ATAD5: variants seen among roughly 807,000 people sequenced by gnomAD.
ATAD5 encodes the protein ATPase family AAA domain containing 5.
ATAD5 carries 58 observed loss-of-function variants against 176.9 expected under a neutral mutation model. That is an observed-to-expected ratio of 0.33 (90% CI 0.27 to 0.41). The LOEUF is 0.41. ATAD5 is among the 10% of genes least tolerant of loss of function. ATAD5 has a pLI of 1.00. For synonymous variants in ATAD5, 640 were observed against 712.6 expected (o/e 0.90, Z 1.62); for missense variants, 1,789 against 2,094.1 (o/e 0.85, Z 2.84).
chr17:30,882,620 A>G (rs1187168305), intron 18 of ATAD5, among the ~76,000 whole-genome samples: 3 of 152,074 alleles, frequency 2.0e-5, no homozygotes, highest in Admixed American at 2.0e-4. Context: ...TTGTCTAGAC[A>G]ATTCTTCATT....
In ATAD5 at chr17:30,878,056, C is replaced by A; in HGVS notation, c.3972C>A (p.Phe1324Leu). Residue 1324 changes from phenylalanine (F) to leucine (L), a missense_variant, in exon 17 of 23, where the codon TTC (phenylalanine) becomes TTA (leucine). By Grantham distance (22) the Phe-to-Leu change is conservative. Transcript: ENST00000321990. ...DAGFLNAIKTFMATTKRPVIL... is the reference protein window; with the variant it reads ...DAGFLNAIKTLMATTKRPVIL... ...GGTTTTTGAATGCAATCAAAACATT[C>A]ATGGCAACAACTAAACGACCTGTAA... The A allele has an allele frequency of 6.2e-7, 1 of 1,611,630 alleles. No individual in the cohort carries two copies. Among genetic ancestry groups the A allele is most frequent in the Non-Finnish European group, 8.5e-7 (1 of 1,178,694 alleles).
rs1907563646 is a variant in ATAD5 at position 30,860,501 on chromosome 17, AAAAG to A, written c.3033_3036del (p.Lys1011AsnfsTer28). 6.2e-7 allele frequency: 1 copy of A among 1,601,358 alleles called. No individual in the cohort carries two copies. The highest frequency in any genetic ancestry group is 1.4e-5 in the African/African-American group (1 of 73,678). On this transcript the variant is annotated frameshift_variant, in exon 10 of 23. Coordinates refer to ENST00000321990, the MANE Select transcript of ATAD5 (RefSeq NM_024857.5). LOFTEE classifies it high-confidence loss of function. ...CGTAGAAGCAGAAAATTCTAAGTCA[AAAAG>A]AAAGAAACCAAATGAGTATTCAAAA...
In ATAD5 at chr17:30,857,100, C is replaced by T; in HGVS notation, c.2781C>T (p.Asn927=). The change falls in exon 8 of 23, where the codon AAC becomes AAT. Residue 927 remains asparagine, a synonymous_variant. Coordinates refer to ENST00000321990, the MANE Select transcript of ATAD5 (RefSeq NM_024857.5). ...STLNSKLKSG[N]SAAVFMRTRK... ...TGAATTCAAAGTTGAAAAGCGGTAA[C>T]TCTGCTGCTGTGGTAAGTATTAAAT... 1 of 1,610,882 alleles carries T rather than the reference C, an allele frequency of 6.2e-7. No homozygotes were observed.
At chr17:30,878,718 G>GTTTTTT (rs71142005) in intron 17 of ATAD5, among the ~76,000 whole-genome samples, 3,031 of 56,760 alleles carry the variant, frequency 0.053, 820 homozygotes, top group Middle Eastern at 0.069. Context: ...GTTAGGTGGT[G>GTTTTTT]TTTTTTTTTT....
intron 9 of ATAD5, 55 bp from the exon 10 acceptor site, chr17:30,860,378 A>G: frequency 1.3e-6 from 2 of 1,530,968 alleles, no homozygotes; most frequent in East Asian, 2.3e-5. Context: ...TGATATTAAT[A>G]TTACTGGTTT....
Position 30,894,931 on chromosome 17 carries a change from GC to G in ATAD5, c.*19del. ...TCCCTTAATGTTCCATACTAACAAT[GC>G]TTTGTATAGATTATCATGTGGTCCT... On this transcript the variant is annotated 3_prime_UTR_variant, in exon 23 of 23. Transcript: ENST00000321990. 6.6e-7 allele frequency: 1 copy of G among 1,517,794 alleles called. No homozygotes were observed. The highest frequency in any genetic ancestry group is 8.9e-7 in the Non-Finnish European group (1 of 1,117,556). 94.0% of individuals were successfully genotyped at this position (1,517,794 alleles called of 1,614,324 possible).
Position 30,869,362 on chromosome 17 carries a change from A to G in ATAD5, c.3428A>G (p.Tyr1143Cys). 6.2e-7 allele frequency: 1 copy of G among 1,613,974 alleles called. No individual in the cohort carries two copies. Among genetic ancestry groups the G allele is most frequent in the East Asian group, 2.2e-5 (1 of 44,886 alleles). ...GGAGTGGGAAAAACTGCTGCAGTGT[A>G]TGCTTGTGCCCAGGAGCTTGGATTT... ...PTGVGKTAAVYACAQELGFKI... is the reference protein window; with the variant it reads ...PTGVGKTAAVCACAQELGFKI... The change falls in exon 13 of 23, where the codon TAT becomes TGT. Residue 1143 changes from tyrosine (Y) to cysteine (C), a missense_variant. Coordinates refer to ENST00000321990, the MANE Select transcript of ATAD5 (RefSeq NM_024857.5).
chr17:30,858,301 T>C lies in ATAD5; in HGVS notation c.2934T>C (p.Ser978=). ...AACAAATTGAGCACCAAGTACTTTC[T>C]TCCGAGTGTCATAGTAAACAAGGTT... is the stretch of plus-strand genomic sequence containing the variant. ...LKKQIEHQVL[S]SECHSKQELE... Residue 978 remains serine, a synonymous_variant, in exon 9 of 23, where the codon TCT becomes TCC. Coordinates refer to ENST00000321990, the MANE Select transcript of ATAD5 (RefSeq NM_024857.5). The C allele has an allele frequency of 6.4e-7, 1 of 1,556,562 alleles. No homozygotes were observed. The highest frequency in any genetic ancestry group is 8.7e-7 in the Non-Finnish European group (1 of 1,151,800).
At position 30,894,688 on chromosome 17, in the gene ATAD5, G is replaced by T; in HGVS notation, c.5422G>T (p.Glu1808Ter). 6.2e-7 allele frequency: 1 copy of T among 1,611,542 alleles called. No homozygotes were observed. The highest frequency in any genetic ancestry group is 1.1e-5 in the South Asian group (1 of 90,444). ...AACCCTTCGAAACATCTGTAAGACT[G>T]AGAAGCTAAAAGAACAAGGAAAAAG... The part of the protein sequence containing the change: ...LPTLRNICKT[E>*]KLKEQGKSKR... The change falls in exon 22 of 23, where the codon GAG (glutamate) becomes TAG (stop). Residue 1808 changes from glutamate to a stop codon, truncating the protein, a stop_gained. Transcript: ENST00000321990. LOFTEE classifies it high-confidence loss of function.
chr17:30,862,863 T>C (rs1321668029), intron 10 of ATAD5: 3 of 152,070 alleles, frequency 2.0e-5, no homozygotes, highest in African/African-American at 7.2e-5. Context: ...ATCCAAAACA[T>C]TTTGAGTGCT....
chr17:30,832,341 G>A lies in ATAD5; in HGVS notation c.-7G>A. 6.5e-7 allele frequency: 1 copy of A among 1,548,498 alleles called. No individual in the cohort carries two copies. Among genetic ancestry groups the A allele is most frequent in the Non-Finnish European group, 8.7e-7 (1 of 1,145,598 alleles). ...CCTAGGAGACGGGATTCCGGGAAGCGGGGAGTATGGTGGGGGTCCTGGCCA... is the reference window on the plus strand; with the variant it reads ...CCTAGGAGACGGGATTCCGGGAAGCAGGGAGTATGGTGGGGGTCCTGGCCA... On this transcript the variant is annotated 5_prime_UTR_variant, in exon 1 of 23. Coordinates refer to ENST00000321990, the MANE Select transcript of ATAD5 (RefSeq NM_024857.5).
intron 18 of ATAD5, among the ~76,000 whole-genome samples, chr17:30,882,555 A>C (rs1471719495): frequency 1.3e-5 from 2 of 152,054 alleles, no homozygotes; most frequent in East Asian, 3.9e-4. Context: ...GTGCCACAGC[A>C]CTCCAGCTTG....
In ATAD5 at chr17:30,892,294, G is replaced by A. The variant is rs140087525; in HGVS notation, c.4259-313G>A. On this transcript the variant is annotated intron_variant, in intron 19 of 22. Coordinates refer to ENST00000321990, the MANE Select transcript of ATAD5 (RefSeq NM_024857.5). ...ACAAAAAGTAGCCGGGTGTGGTAGC[G>A]CGTGCCTGTAATCCCGGCTACTCGG... Among the ~76,000 whole-genome samples, 521 of 151,860 alleles carry A rather than the reference G, an allele frequency of 3.4e-3. 1 individual carries two copies. The highest frequency in any genetic ancestry group is 0.012 in the African/African-American group (482 of 41,454).
intron 19 of ATAD5, 78 bp from the exon 20 acceptor site, chr17:30,892,529 G>T: frequency 2.9e-6 from 3 of 1,027,530 alleles, no homozygotes; most frequent in Non-Finnish European, 2.7e-6. Context: ...GATGTCAAAG[G>T]ATCTCAGGCT....
At chr17:30,883,938 G>A (rs1230044740) in intron 18 of ATAD5, among the ~76,000 whole-genome samples, 3 of 151,912 alleles carry the variant, frequency 2.0e-5, no homozygotes, top group Non-Finnish European at 2.9e-5. Context: ...TAAAATTTTT[G>A]TATTAAAAAA....
intron 9 of ATAD5, among the ~76,000 whole-genome samples, chr17:30,859,439 A>C (rs1348794966): frequency 1.3e-5 from 2 of 152,206 alleles, no homozygotes; most frequent in East Asian, 1.9e-4. Context: ...AGCTCAGTGC[A>C]ACCTCTGCCT....
chr17:30,876,637 T>C, intron 15 of ATAD5, 87 bp downstream of exon 15: 1 of 734,096 alleles, frequency 1.4e-6, no homozygotes, highest in Non-Finnish European at 2.1e-6. Flanking sequence ...CGAGTTCCTG[T>C]TGCTATTTAT....
At chr17:30,846,396 G>GTTTT (rs11324585) in intron 6 of ATAD5, among the ~76,000 whole-genome samples, 8 of 143,272 alleles carry the variant, frequency 5.6e-5, no homozygotes, top group African/African-American at 7.8e-5. Context: ...AGAGTTTGAG[G>GTTTT]TTTTTTTTTT....
Position 30,844,847 on chromosome 17 carries a change from T to C in ATAD5, c.2381T>C (p.Val794Ala). The change falls in exon 6 of 23, where the codon GTC becomes GCC. Residue 794 changes from valine (V) to alanine (A), a missense_variant. Transcript: ENST00000321990. Reference sequence around the variant, plus strand: ...TTATTTTTCTAAGGAAAAATGAAAGTCGCTCCTTTATTTCTTGTCAGAAAA... The same window carrying C: ...TTATTTTTCTAAGGAAAAATGAAAGCCGCTCCTTTATTTCTTGTCAGAAAA... ...STKNVPGKMK[V>A]APLFLVRKAQ... 6.3e-7 allele frequency: 1 copy of C among 1,596,764 alleles called. No individual in the cohort carries two copies. The highest frequency in any genetic ancestry group is 1.4e-5 in the African/African-American group (1 of 73,536).
Sources: allele counts gnomAD v4.1 joint callset (sites outside exome capture counted in the v4.1 genomes callset), GRCh38; gene constraint gnomAD v4.1.1; transcripts MANE v1.5; gene names NCBI Gene and HGNC (gene_info 2026-07-23, HGNC 2026-07-21).